SLA: variants seen among roughly 807,000 people sequenced by gnomAD.
SLA encodes the protein Src like adaptor, also known as src-like-adapter.
In SLA, 16 loss-of-function variants were observed where a neutral mutation model predicts 30.3. The observed-to-expected ratio is 0.53, with a 90% CI of 0.36 to 0.80. The LOEUF (loss-of-function observed/expected upper bound fraction) is 0.80. Ranked by LOEUF, SLA falls within the 30% of genes least tolerant of loss-of-function variation. The pLI is 0.01. For synonymous variants in SLA, 143 were observed against 137.8 expected (o/e 1.04, Z -0.26); for missense variants, 310 against 345.2 (o/e 0.90, Z 0.81).
chr8:133,097,451 A>G lies in SLA; in HGVS notation c.-319+5102T>C, dbSNP rs575849810. On this transcript the variant is annotated intron_variant, in intron 1 of 8. Coordinates refer to ENST00000338087, the MANE Select transcript of SLA (RefSeq NM_001045556.3). ...AACAGGGAAATGGTTGACTAAATTA[A>G]GATACAAACAAGCTATTAAATATTA... Among the ~76,000 whole-genome samples, 4 of 152,380 alleles carry G rather than the reference A, an allele frequency of 2.6e-5. No homozygotes were observed. In the East Asian group the frequency reaches 7.7e-4, roughly 29 times the overall value.
At chr8:133,058,547 C>T (rs976224526) in intron 3 of SLA, among the ~76,000 whole-genome samples, 3 of 152,214 alleles carry the variant, frequency 2.0e-5, no homozygotes, top group Non-Finnish European at 2.9e-5. Flanking sequence ...AAGATGGGTT[C>T]GGTGGGTGGG....
intron 3 of SLA, among the ~76,000 whole-genome samples, chr8:133,052,110 G>A (rs1364984516): frequency 2.0e-5 from 3 of 151,818 alleles, no homozygotes; most frequent in Admixed American, 2.0e-4. Flanking sequence ...CCACTTTCTA[G>A]GATCCACACA....
At chr8:133,045,805 T>C (rs1839270149) in intron 6 of SLA, among the ~76,000 whole-genome samples, 1 of 152,108 alleles carries the variant, frequency 6.6e-6, no homozygotes, top group Non-Finnish European at 1.5e-5. Flanking sequence ...TCCATGGTCG[T>C]TTTTGGACTC....
intron 1 of SLA, among the ~76,000 whole-genome samples, chr8:133,085,350 C>T (rs1241050194): frequency 6.6e-6 from 1 of 152,152 alleles, no homozygotes; most frequent in African/African-American, 2.4e-5. Context: ...AAAATAGATA[C>T]ATCGGATTTC....
Position 133,038,712 on chromosome 8 carries a change from C to T in SLA, c.643G>A (p.Glu215Lys), listed in dbSNP as rs1417182667. ...SRLQEDPEGT[E>K]NPLGVDESLF... ...GACTCGTCTACCCCAAGCGGGTTCT[C>T]TGTTCCCTCGGGGTCCTCCTGCAGT... Residue 215 changes from glutamate (E) to lysine (K), a missense_variant, in exon 9 of 9, where the codon GAG becomes AAG. Coordinates refer to ENST00000338087, the MANE Select transcript of SLA (RefSeq NM_001045556.3). 3.7e-6 allele frequency: 6 copies of T among 1,613,894 alleles called. No homozygotes were observed. In the East Asian group the frequency reaches 8.9e-5, roughly 24 times the overall value.
At chr8:133,071,496 G>A (rs1844026229) in intron 2 of SLA, among the ~76,000 whole-genome samples, 1 of 152,194 alleles carries the variant, frequency 6.6e-6, no homozygotes, top group African/African-American at 2.4e-5. Context: ...GCTTGTCATA[G>A]TTATTCAGTA....
At chr8:133,094,816 C>T (rs1848164352) in intron 1 of SLA, 5 of 622,082 alleles carry the variant, frequency 8.0e-6, no homozygotes, top group Non-Finnish European at 1.2e-5. Context: ...ACCCTCACTT[C>T]ACAGGTTAGG....
At chr8:133,055,399 A>ACG (rs1564126674) in intron 3 of SLA, among the ~76,000 whole-genome samples, 19 of 150,720 alleles carry the variant, frequency 1.3e-4, no homozygotes, top group African/African-American at 4.7e-4. Flanking sequence ...ACACACACAC[A>ACG]CACACACAGG....
chr8:133,097,012 C>T (rs1848519384), intron 1 of SLA, among the ~76,000 whole-genome samples: 2 of 152,178 alleles, frequency 1.3e-5, no homozygotes, highest in Non-Finnish European at 2.9e-5. Context: ...CTCCTCTGCC[C>T]ACCCCACCCT....
At chr8:133,039,919 G>A (rs1045992404) in intron 8 of SLA, 79 bp downstream of exon 8, 60 of 1,510,000 alleles carry the variant, frequency 4.0e-5, no homozygotes, top group African/African-American at 2.8e-4. Context: ...CACACACACC[G>A]TTTTGTGCTC....
chr8:133,081,432 G>T (rs1444550117), intron 1 of SLA, among the ~76,000 whole-genome samples: 2 of 152,198 alleles, frequency 1.3e-5, no homozygotes, highest in Non-Finnish European at 2.9e-5. Flanking sequence ...TTGTTTCTCT[G>T]GAGATAAAAG....
intron 2 of SLA, chr8:133,063,648 C>G (rs1313709015): frequency 6.6e-6 from 1 of 152,200 alleles, no homozygotes; most frequent in Non-Finnish European, 1.5e-5. Context: ...TAACAGTCTT[C>G]TCTGCTGTTG....
At chr8:133,073,527 A>G (rs1394643838) in intron 2 of SLA, among the ~76,000 whole-genome samples, 1 of 152,056 alleles carries the variant, frequency 6.6e-6, no homozygotes, top group African/African-American at 2.4e-5. Context: ...AAGCCCAGCT[A>G]ATTTTTGTAT....
intron 6 of SLA, chr8:133,046,353 A>C (rs940886000): frequency 6.6e-6 from 1 of 152,280 alleles, no homozygotes; most frequent in African/African-American, 2.4e-5. Context: ...TAGAGCCCCT[A>C]TGGGATATGG....
chr8:133,080,820 C>G (rs1845631399), intron 1 of SLA, among the ~76,000 whole-genome samples: 1 of 152,236 alleles, frequency 6.6e-6, no homozygotes, highest in Non-Finnish European at 1.5e-5. Flanking sequence ...GCCTTTCCCC[C>G]TGCAAGGGCA....
At chr8:133,077,344 A>C (rs1845047510) in intron 1 of SLA, among the ~76,000 whole-genome samples, 1 of 152,208 alleles carries the variant, frequency 6.6e-6, no homozygotes, top group Non-Finnish European at 1.5e-5. Context: ...GGCAGGATGC[A>C]GAGCCCTGGA....
chr8:133,080,898 T>C (rs1391632094), intron 1 of SLA, among the ~76,000 whole-genome samples: 1 of 152,244 alleles, frequency 6.6e-6, no homozygotes, highest in East Asian at 1.9e-4. Context: ...TCTTCCTAGA[T>C]GCCTCTCAAC....
chr8:133,102,536 C>A lies in SLA; in HGVS notation c.-319+17G>T. ...CCCACCCAGGGGGTCCCAATGACAG[C>A]AAAGTTAGCAACCTACCGGTGGAGC... is the stretch of plus-strand genomic sequence containing the variant. On this transcript the variant is annotated intron_variant, in intron 1 of 8. Coordinates refer to ENST00000338087, the MANE Select transcript of SLA (RefSeq NM_001045556.3). The A allele has an allele frequency of 6.4e-7, 1 of 1,551,516 alleles. No homozygotes were observed.
rs199970675 is a variant in SLA at position 133,044,970 on chromosome 8, T to G, written c.484+14A>C. 3.5e-4 allele frequency: 572 copies of G among 1,614,000 alleles called. 4 individuals are homozygous for G. In the African/African-American group the frequency reaches 6.4e-3, roughly 18 times the overall value. ...TCCCACCATCACAATCACTCCATAT[T>G]GTATGTCTCTTACCAGAATAGTGGT... On this transcript the variant is annotated intron_variant, in intron 7 of 8. Coordinates refer to ENST00000338087, the MANE Select transcript of SLA (RefSeq NM_001045556.3).
Sources: allele counts gnomAD v4.1 joint callset (sites outside exome capture counted in the v4.1 genomes callset), GRCh38; gene constraint gnomAD v4.1.1; transcripts MANE v1.5; gene names NCBI Gene and HGNC (gene_info 2026-07-23, HGNC 2026-07-21).